Variants in AP3D1 observed in about 807,000 individuals in gnomAD.
AP3D1 encodes the protein adaptor related protein complex 3 subunit delta 1, also known as AP-3 complex subunit delta-1.
A neutral mutation model predicts 147.6 loss-of-function variants in AP3D1; 51 were observed. The ratio of observed to expected loss-of-function variants is 0.35; its 90% confidence interval spans 0.28 to 0.44. The LOEUF (loss-of-function observed/expected upper bound fraction) is 0.44, where lower values mean the gene tolerates loss of function less well. Ranked by LOEUF, AP3D1 falls within the 20% of genes least tolerant of loss-of-function variation. The pLI is 1.00. For synonymous variants in AP3D1, 760 were observed against 663.0 expected, an observed-to-expected ratio of 1.15 and a Z score of -2.25; for missense variants, 1,421 against 1,624.2, an observed-to-expected ratio of 0.87 and a Z score of 2.15.
intron 1 of AP3D1, among the ~76,000 whole-genome samples, chr19:2,160,800 T>A (rs1173630522): frequency 6.6e-6 from 1 of 152,232 alleles, no homozygotes; most frequent in Admixed American, 6.5e-5. Context: ...AGGGCCAGAT[T>A]GTTCTCTGGG....
At chr19:2,119,771 T>C (rs978455934) in intron 14 of AP3D1, among the ~76,000 whole-genome samples, 3 of 135,644 alleles carry the variant, frequency 2.2e-5, no homozygotes, top group Non-Finnish European at 4.7e-5. Flanking sequence ...CCATCTCTAA[T>C]AAGAATACAA....
intron 26 of AP3D1, 41 bp downstream of exon 26, chr19:2,111,244 T>C (rs1373237477): frequency 3.1e-6 from 5 of 1,611,736 alleles, no homozygotes; most frequent in Non-Finnish European, 4.2e-6. Context: ...CCAAAGAGTG[T>C]GGGCTGGCCC....
intron 20 of AP3D1, 75 bp downstream of exon 20, chr19:2,115,144 C>A: frequency 1.4e-6 from 2 of 1,457,002 alleles, no homozygotes; most frequent in Non-Finnish European, 1.9e-6. Context: ...GGGGAGAGGC[C>A]ACTGTGCATG....
intron 14 of AP3D1, among the ~76,000 whole-genome samples, chr19:2,120,284 G>A (rs1312191564): frequency 6.6e-6 from 1 of 152,206 alleles, no homozygotes; most frequent in Non-Finnish European, 1.5e-5. Context: ...GCTGTGATCT[G>A]TCCTCTTGGC....
At chr19:2,137,137 C>T in intron 3 of AP3D1, 46 bp from the exon 4 acceptor site, 3 of 1,480,142 alleles carry the variant, frequency 2.0e-6, no homozygotes, top group Non-Finnish European at 2.8e-6. Context: ...CACCCGCAGC[C>T]TCCAGGAGCT....
intron 4 of AP3D1, 21 bp downstream of exon 4, chr19:2,136,990 C>T (rs774659015): frequency 7.7e-6 from 12 of 1,567,706 alleles, no homozygotes; most frequent in Middle Eastern, 1.7e-4. Context: ...CACAGAGCGG[C>T]CCCGGCCCGG....
chr19:2,102,682 C>T (rs948114958), intron 31 of AP3D1, among the ~76,000 whole-genome samples: 10 of 149,770 alleles, frequency 6.7e-5, no homozygotes, highest in African/African-American at 2.2e-4. Flanking sequence ...GAGCCGAGAT[C>T]GCGCCACTGC....
upstream of AP3D1, among the ~76,000 whole-genome samples, chr19:2,153,429 A>G (rs1046070829): frequency 4.6e-5 from 7 of 151,832 alleles, no homozygotes; most frequent in Non-Finnish European, 8.8e-5. Context: ...TAACCCCAGC[A>G]CTTCGGGAGG....
At position 2,130,563 on chromosome 19, in the gene AP3D1, C is replaced by A. The variant is rs142453291; in HGVS notation, c.463-26G>T. On this transcript the variant is annotated intron_variant, in intron 5 of 31. Transcript: ENST00000643116. ...CTGCGGGGCAGCGGGCTTCAGCCTG[C>A]GCGGGCTTTCTGCGCCTCATCCCTG... 3.7e-3 allele frequency: 5,995 copies of A among 1,612,030 alleles called. 13 individuals carry two copies. The highest frequency in any genetic ancestry group is 4.5e-3 in the Non-Finnish European group (5,264 of 1,178,684).
At position 2,140,008 on chromosome 19, in the gene AP3D1, T is replaced by C. The variant is rs1009071834; in HGVS notation, c.97-1294A>G. On this transcript the variant is annotated intron_variant, in intron 1 of 31. Transcript: ENST00000643116. The stretch of plus-strand genomic sequence containing the variant: ...CACAGACACATAATATTTTCCTCCA[T>C]GCTTTATGATCCAACTTTGTACAAT... Among the ~76,000 whole-genome samples, 6 of 152,056 alleles carry C rather than the reference T, an allele frequency of 3.9e-5. No homozygotes were observed. In the East Asian group the frequency reaches 5.8e-4, roughly 15 times the overall value.
chr19:2,142,116 C>A (rs563667267), intron 1 of AP3D1, among the ~76,000 whole-genome samples: 10 of 151,886 alleles, frequency 6.6e-5, no homozygotes, highest in Non-Finnish European at 1.3e-4. Context: ...CTCCCGGGTT[C>A]AAGCAATTCT....
intron 25 of AP3D1, 65 bp from the exon 26 acceptor site, chr19:2,111,397 A>G (rs2018272893): frequency 1.9e-6 from 3 of 1,583,556 alleles, no homozygotes; most frequent in Non-Finnish European, 2.6e-6. Context: ...AGACTCCAGT[A>G]TGGCCCAATA....
chr19:2,104,546 G>GACACCAACACCCAGACCCCAACA (rs1568271515), intron 31 of AP3D1, among the ~76,000 whole-genome samples: 68 of 149,180 alleles, frequency 4.6e-4, no homozygotes, highest in African/African-American at 1.6e-3. Context: ...AGACCCCAAC[G>GACACCAACACCCAGACCCCAACA]CCAAGACACC....
intron 1 of AP3D1, chr19:2,164,030 CGCGGCGGCGGCG>C: frequency 3.3e-6 from 1 of 301,124 alleles, no homozygotes; most frequent in Non-Finnish European, 5.2e-6. Flanking sequence ...CGGACCGGAG[CGCGGCGGCGGCG>C]GCGGCGGCGG....
chr19:2,150,879 G>A (rs1364525267), intron 1 of AP3D1, among the ~76,000 whole-genome samples: 1 of 152,228 alleles, frequency 6.6e-6, no homozygotes, highest in East Asian at 1.9e-4. Flanking sequence ...CCGAGACGGG[G>A]GCAGGTGGGC....
At chr19:2,142,773 T>C (rs2019255873) in intron 1 of AP3D1, among the ~76,000 whole-genome samples, 1 of 151,408 alleles carries the variant, frequency 6.6e-6, no homozygotes, top group Non-Finnish European at 1.5e-5. Flanking sequence ...TTTTTCTTTT[T>C]TTATTTGAGA....
chr19:2,125,709 A>T (rs1163823089), intron 9 of AP3D1, among the ~76,000 whole-genome samples: 1 of 152,190 alleles, frequency 6.6e-6, no homozygotes, highest in Non-Finnish European at 1.5e-5. Context: ...ATGTATTTTA[A>T]ACAGAAATGT....
chr19:2,129,134 C>T lies in AP3D1; in HGVS notation c.762G>A (p.Arg254=), dbSNP rs375579964. The T allele has an allele frequency of 9.4e-6, 15 of 1,599,226 alleles. No homozygotes were observed. The African/African-American group carries it at 1.6e-4, about 17-fold the overall frequency. ...LFGALTPLEP[R]LGKKLIEPLT... ...GGGGCTCGATCAGCTTCTTGCCCAGCCGCGGTTCCAAAGGAGTAAGAGCAC... is the reference window on the plus strand; with the variant it reads ...GGGGCTCGATCAGCTTCTTGCCCAGTCGCGGTTCCAAAGGAGTAAGAGCAC... Residue 254 remains arginine (R), a synonymous_variant, in exon 8 of 32, where the codon CGG becomes CGA. Transcript: ENST00000643116.
At chr19:2,113,978 A>C in intron 22 of AP3D1, 147 bp downstream of exon 22, 1 of 1,382,910 alleles carries the variant, frequency 7.2e-7, no homozygotes, top group Non-Finnish European at 9.6e-7. Context: ...ACATGTCCTC[A>C]CTCCGCCGGG....
Sources: allele counts gnomAD v4.1 joint callset (sites outside exome capture counted in the v4.1 genomes callset), GRCh38; gene constraint gnomAD v4.1.1; transcripts MANE v1.5; gene names NCBI Gene and HGNC (gene_info 2026-07-23, HGNC 2026-07-21).